CDH12: variants seen among roughly 807,000 people sequenced by gnomAD.
CDH12 encodes the protein cadherin 12.
CDH12 carries 41 observed loss-of-function variants against 74.1 expected under a neutral mutation model. The ratio of observed to expected loss-of-function variants is 0.55; its 90% CI spans 0.43 to 0.72. CDH12 has a LOEUF of 0.72. Ranked by LOEUF, CDH12 falls within the 30% of genes least tolerant of loss-of-function variation. The probability of loss-of-function intolerance (pLI) is 0.00; values close to 1 mark genes in which losing one functional copy is unlikely to be tolerated. For synonymous variants in CDH12, 399 were observed against 355.0 expected, an observed-to-expected ratio of 1.12 and a Z score of -1.39; for missense variants, 945 against 977.2, an observed-to-expected ratio of 0.97 and a Z score of 0.44.
intron 4 of CDH12, among the ~76,000 whole-genome samples, chr5:22,205,091 C>T (rs1217250805): frequency 6.6e-6 from 1 of 152,184 alleles, no homozygotes; most frequent in Admixed American, 6.5e-5. Flanking sequence ...TGTCAATGAA[C>T]AAATATGGTT....
intron 3 of CDH12, among the ~76,000 whole-genome samples, chr5:22,380,005 T>C (rs1268676294): frequency 1.3e-5 from 2 of 152,298 alleles, no homozygotes; most frequent in African/African-American, 2.4e-5. Flanking sequence ...GCAATCCTCC[T>C]GCCTTGGCCT....
chr5:22,708,294 T>C (rs1484210121), intron 1 of CDH12, among the ~76,000 whole-genome samples: 1 of 152,176 alleles, frequency 6.6e-6, no homozygotes, highest in East Asian at 1.9e-4. Flanking sequence ...TCCCTTTATT[T>C]ACAGTACGCT....
At chr5:22,364,044 C>G (rs1177275971) in intron 3 of CDH12, among the ~76,000 whole-genome samples, 1 of 152,174 alleles carries the variant, frequency 6.6e-6, no homozygotes, top group African/African-American at 2.4e-5. Context: ...GGTCTGTAGT[C>G]TGCAGTAACG....
chr5:22,578,239 T>C lies in CDH12; in HGVS notation c.-522-72875A>G, dbSNP rs1257850713. On this transcript the variant is annotated intron_variant, in intron 1 of 14. Transcript: ENST00000382254. Reference sequence around the variant, plus strand: ...ATTTCAATAGCCATAGCTCTAAGTATCAATGTTTTCCTTCAAGACTTTTTA... The same window carrying C: ...ATTTCAATAGCCATAGCTCTAAGTACCAATGTTTTCCTTCAAGACTTTTTA... Among the ~76,000 whole-genome samples the C allele has an allele frequency of 3.3e-5, 5 of 152,252 alleles. No individual in the cohort carries two copies. In the East Asian group the frequency reaches 9.6e-4, roughly 29 times the overall value.
intron 7 of CDH12, among the ~76,000 whole-genome samples, chr5:21,851,424 G>C (rs1185236940): frequency 6.7e-6 from 1 of 150,214 alleles, no homozygotes; most frequent in Non-Finnish European, 1.5e-5. Flanking sequence ...ATAGATTATA[G>C]ATGTTTATAA....
intron 4 of CDH12, among the ~76,000 whole-genome samples, chr5:22,184,157 C>T (rs180960262): frequency 2.1e-4 from 32 of 151,912 alleles, no homozygotes; most frequent in South Asian, 2.1e-4. Context: ...ATTAAATGGG[C>T]AATAATGGCT....
In CDH12 at chr5:22,395,698, G is replaced by A. The variant is rs567549104; in HGVS notation, c.-333+9559C>T. Among the ~76,000 whole-genome samples, 4 of 152,234 alleles carry A rather than the reference G, an allele frequency of 2.6e-5. No individual in the cohort carries two copies. The East Asian group carries it at 7.7e-4, about 29-fold the overall frequency. ...GTTTGATATTTGGGTCTGAAGACTA[G>A]TGGAAATGCCAGTCCTGGAGAAATA... On this transcript the variant is annotated intron_variant, in intron 3 of 14. Coordinates refer to ENST00000382254, the MANE Select transcript of CDH12 (RefSeq NM_004061.5).
intron 1 of CDH12, among the ~76,000 whole-genome samples, chr5:22,821,968 C>G (rs1473869534): frequency 1.3e-5 from 2 of 152,098 alleles, no homozygotes; most frequent in East Asian, 3.9e-4. Context: ...ATCACGCTAC[C>G]TGACTTCAAA....
intron 6 of CDH12, among the ~76,000 whole-genome samples, chr5:21,882,282 T>C (rs770786212): frequency 6.6e-6 from 1 of 152,220 alleles, no homozygotes; most frequent in Non-Finnish European, 1.5e-5. Flanking sequence ...AATTTGCTTA[T>C]TGCCACATGC....
At chr5:22,809,999 A>T (rs1172775406) in intron 1 of CDH12, among the ~76,000 whole-genome samples, 1 of 152,128 alleles carries the variant, frequency 6.6e-6, no homozygotes, top group Non-Finnish European at 1.5e-5. Flanking sequence ...ATTTATAGTG[A>T]TAGATTGAAT....
At chr5:22,666,447 G>C (rs1740628402) in intron 1 of CDH12, among the ~76,000 whole-genome samples, 1 of 151,796 alleles carries the variant, frequency 6.6e-6, no homozygotes, top group East Asian at 1.9e-4. Flanking sequence ...CCGCCACTAC[G>C]CCCGGCTAAT....
chr5:22,491,671 G>A (rs1486241229), intron 2 of CDH12, among the ~76,000 whole-genome samples: 1 of 148,934 alleles, frequency 6.7e-6, no homozygotes, highest in Non-Finnish European at 1.5e-5. Context: ...AATGTTTTAA[G>A]AAAGTTTACA....
At chr5:21,976,172 T>A (rs1757063119) in intron 5 of CDH12, among the ~76,000 whole-genome samples, 1 of 152,182 alleles carries the variant, frequency 6.6e-6, no homozygotes, top group Non-Finnish European at 1.5e-5. Context: ...AATAGCTTGT[T>A]CCAATTCATT....
chr5:22,091,833 A>G (rs1412784979), intron 4 of CDH12, among the ~76,000 whole-genome samples: 1 of 151,900 alleles, frequency 6.6e-6, no homozygotes, highest in Non-Finnish European at 1.5e-5. Flanking sequence ...AAGCATGACA[A>G]TGTGGTACTG....
chr5:22,611,791 A>T (rs577694295), intron 1 of CDH12, among the ~76,000 whole-genome samples: 4 of 152,218 alleles, frequency 2.6e-5, no homozygotes, highest in South Asian at 2.1e-4. Context: ...AACAGAGTGC[A>T]GTTGGTTTAG....
chr5:22,728,913 C>T (rs1007716116), intron 1 of CDH12, among the ~76,000 whole-genome samples: 3 of 151,776 alleles, frequency 2.0e-5, no homozygotes, highest in African/African-American at 7.3e-5. Context: ...TAGATCAGTT[C>T]TGAGGGGACA....
At chr5:21,759,822 C>T (rs972278565) in intron 13 of CDH12, among the ~76,000 whole-genome samples, 7 of 152,090 alleles carry the variant, frequency 4.6e-5, no homozygotes, top group Admixed American at 1.3e-4. Flanking sequence ...CTTTTCTGCT[C>T]CTTTCCCTCC....
At chr5:22,719,187 C>A (rs1217215960) in intron 1 of CDH12, among the ~76,000 whole-genome samples, 1 of 152,058 alleles carries the variant, frequency 6.6e-6, no homozygotes, top group African/African-American at 2.4e-5. Context: ...GTTGTGGACA[C>A]TAAAAGGCAT....
chr5:21,871,503 C>T (rs142767987), intron 6 of CDH12, among the ~76,000 whole-genome samples: 1,712 of 152,154 alleles, frequency 0.011, 33 homozygotes, highest in African/African-American at 0.039. Flanking sequence ...GAGGCCGAGG[C>T]GGGTGGATCA....
Sources: gnomAD v4.1 joint callset for allele counts (sites outside exome capture counted in the v4.1 genomes callset) on GRCh38, gnomAD v4.1.1 for gene constraint, MANE v1.5 for transcripts, NCBI Gene and HGNC (gene_info 2026-07-23, HGNC 2026-07-21) for gene names.